KLHL13: variants seen among roughly 807,000 people sequenced by gnomAD.
The protein encoded by KLHL13 is kelch like family member 13.
Under a neutral mutation model 37.1 loss-of-function variants are expected in KLHL13, and 10 were observed. That is an observed-to-expected ratio of 0.27 (90% CI 0.17 to 0.46). The LOEUF (loss-of-function observed/expected upper bound fraction) is 0.46. KLHL13 is among the 20% of genes least tolerant of loss of function. The pLI is 1.00. For missense variants in KLHL13, 360 were observed against 509.3 expected, an observed-to-expected ratio of 0.71 and a Z score of 2.82; for synonymous variants, 163 against 181.2, an observed-to-expected ratio of 0.90 and a Z score of 0.81.
chrX:118,022,964 C>T (rs1000026730), intron 1 of KLHL13, among the ~76,000 whole-genome samples: 2 of 111,719 alleles, frequency 1.8e-5, no homozygotes, highest in East Asian at 5.6e-4. Context: ...TCAAGCTCTT[C>T]CTGATAGCTC....
At chrX:117,981,482 C>A in intron 1 of KLHL13, among the ~76,000 whole-genome samples, 1 of 112,107 alleles carries the variant, frequency 8.9e-6, no homozygotes, top group East Asian at 2.8e-4. Flanking sequence ...AAGTTCAGAA[C>A]CACTTCATGT....
chrX:117,963,604 A>C (rs916708696), intron 1 of KLHL13, among the ~76,000 whole-genome samples: 14 of 102,233 alleles, frequency 1.4e-4, no homozygotes, highest in Admixed American at 3.2e-4. Context: ...GGCTGGGTCA[A>C]ATGGTATTTC....
chrX:117,992,231 A>T (rs1318193415), intron 1 of KLHL13, among the ~76,000 whole-genome samples: 3 of 99,154 alleles, frequency 3.0e-5, no homozygotes, highest in East Asian at 6.0e-4. Flanking sequence ...AGAAACTGAG[A>T]TGTAAAAAAA....
chrX:118,071,195 T>C (rs1284416795), intron 1 of KLHL13, among the ~76,000 whole-genome samples: 2 of 111,807 alleles, frequency 1.8e-5, no homozygotes, highest in African/African-American at 3.3e-5. Flanking sequence ...TTTGCTATTG[T>C]GAATAATGCC....
intron 2 of KLHL13, among the ~76,000 whole-genome samples, chrX:117,935,184 T>C (rs1932713295): frequency 8.9e-6 from 1 of 112,405 alleles, no homozygotes; most frequent in African/African-American, 3.3e-5. Context: ...TATTCATAGC[T>C]TTTATTCATA....
chrX:117,981,592 T>A (rs1192238745), intron 1 of KLHL13, among the ~76,000 whole-genome samples: 2 of 100,896 alleles, frequency 2.0e-5, no homozygotes, highest in African/African-American at 9.8e-5. Flanking sequence ...CATTCATTCC[T>A]TATTTCCTTA....
intron 2 of KLHL13, among the ~76,000 whole-genome samples, chrX:117,927,022 C>T (rs1932090245): frequency 9.5e-6 from 1 of 104,965 alleles, no homozygotes; most frequent in Non-Finnish European, 2.0e-5. Flanking sequence ...TCTCCTGCCT[C>T]AGCCTCCCGA....
At chrX:118,059,529 C>T (rs1216192349) in intron 1 of KLHL13, among the ~76,000 whole-genome samples, 1 of 111,855 alleles carries the variant, frequency 8.9e-6, no homozygotes, top group Non-Finnish European at 1.9e-5. Context: ...GGAAATTTCA[C>T]TCTATATCAC....
intron 2 of KLHL13, among the ~76,000 whole-genome samples, chrX:117,944,064 G>A (rs898395358): frequency 1.3e-4 from 14 of 111,002 alleles, no homozygotes; most frequent in Admixed American, 7.7e-4. Context: ...TTGTTTGTTA[G>A]TCTTCCTTCT....
upstream of KLHL13, chrX:118,116,951 C>A (rs1376731686): frequency 9.1e-6 from 1 of 109,947 alleles, no homozygotes; most frequent in Non-Finnish European, 1.9e-5. Flanking sequence ...GGCGGGGAGC[C>A]GGGGCTAGGA....
chrX:117,961,882 C>T (rs1397788366), intron 1 of KLHL13, among the ~76,000 whole-genome samples: 3 of 110,158 alleles, frequency 2.7e-5, no homozygotes, highest in Non-Finnish European at 3.8e-5. Context: ...CCCCGTGAGA[C>T]CAGTACCAAA....
chrX:118,027,631 TTC>T (rs1397940927), intron 1 of KLHL13, among the ~76,000 whole-genome samples: 1 of 105,069 alleles, frequency 9.5e-6, no homozygotes, highest in Non-Finnish European at 1.9e-5. Flanking sequence ...TCTCTATTTT[TTC>T]TCTCTCTCCA....
intron 2 of KLHL13, among the ~76,000 whole-genome samples, chrX:117,920,713 T>C (rs1292879105): frequency 1.8e-5 from 2 of 112,030 alleles, no homozygotes; most frequent in Non-Finnish European, 3.8e-5. Context: ...AATGAGAGTA[T>C]TAGACTGTCT....
In KLHL13 at chrX:118,028,513, A is replaced by T; in HGVS notation, c.-55-82938T>A. The T allele has an allele frequency of 1.3e-6, 1 of 791,772 alleles. No individual in the cohort carries two copies. Among genetic ancestry groups the T allele is most frequent in the Non-Finnish European group, 1.8e-6 (1 of 548,155 alleles). The allele number at this position is 791,772 out of a possible 1,213,427, so 65.3% of individuals were successfully genotyped here. ...GGATAATGACCTGTTCAGGAGGAAA[A>T]GAAGCCAATATTTACTATGAAGATT... On this transcript the variant is annotated intron_variant, in intron 1 of 6. Transcript: ENST00000371882.
chrX:117,964,090 C>T, intron 1 of KLHL13, among the ~76,000 whole-genome samples: 1 of 96,126 alleles, frequency 1.0e-5, no homozygotes. Context: ...ATACCTAATG[C>T]TAGATGACAC....
chrX:117,939,816 A>G (rs1932928678), intron 2 of KLHL13, among the ~76,000 whole-genome samples: 1 of 111,623 alleles, frequency 9.0e-6, no homozygotes, highest in Non-Finnish European at 1.9e-5. Context: ...AATTTGTTTA[A>G]GTTCTTTGTA....
chrX:118,097,459 G>T (rs1254849712), intron 1 of KLHL13, among the ~76,000 whole-genome samples: 1 of 111,651 alleles, frequency 9.0e-6, no homozygotes, highest in East Asian at 2.8e-4. Flanking sequence ...AACATTCCAT[G>T]CTCATGGGTA....
At chrX:117,992,756 C>T (rs1454806723) in intron 1 of KLHL13, among the ~76,000 whole-genome samples, 1 of 111,581 alleles carries the variant, frequency 9.0e-6, no homozygotes, top group Non-Finnish European at 1.9e-5. Context: ...TTACCCCCAG[C>T]ACTCCCCTTT....
At chrX:117,923,886 T>C (rs1931860343) in intron 2 of KLHL13, among the ~76,000 whole-genome samples, 1 of 111,845 alleles carries the variant, frequency 8.9e-6, no homozygotes. Flanking sequence ...CCTTTCTCAG[T>C]ATAATCTGGT....
Sources: gnomAD v4.1 joint callset for allele counts (sites outside exome capture counted in the v4.1 genomes callset) on GRCh38, gnomAD v4.1.1 for gene constraint, MANE v1.5 for transcripts, NCBI Gene and HGNC (gene_info 2026-07-23, HGNC 2026-07-21) for gene names.